TXLNB: variants seen among roughly 807,000 people sequenced by gnomAD.
TXLNB encodes the protein beta-taxilin.
Under a neutral mutation model 57.4 loss-of-function variants are expected in TXLNB, and 37 were observed. That is an observed-to-expected ratio of 0.64 (90% CI 0.50 to 0.85). The LOEUF is 0.85. TXLNB is among the 40% of genes least tolerant of loss of function. The pLI is 0.00. For synonymous variants in TXLNB, 302 were observed against 309.6 expected, an observed-to-expected ratio of 0.98 and a Z score of 0.26; for missense variants, 848 against 825.6, an observed-to-expected ratio of 1.03 and a Z score of -0.33.
the TXLNB span, among the ~76,000 whole-genome samples, chr6:139,305,398 C>T: frequency 6.6e-6 from 1 of 151,982 alleles, no homozygotes; most frequent in Admixed American, 6.6e-5. Flanking sequence ...TAGAAAGGCA[C>T]CAGAAAAATC....
chr6:139,283,433 G>A lies in TXLNB; in HGVS notation c.424+5043C>T, dbSNP rs937830561. ...CTCTACTAAAAATACAAAATTAGCC[G>A]GGAGTGGTGGCACATGCCTGTAATC... On this transcript the variant is annotated intron_variant, in intron 2 of 9. Transcript: ENST00000358430. Among the ~76,000 whole-genome samples, 6 of 144,624 alleles carry A rather than the reference G, an allele frequency of 4.1e-5. No individual in the cohort carries two copies. In the East Asian group the frequency reaches 6.0e-4, roughly 14 times the overall value. 94.9% of individuals were successfully genotyped at this position (144,624 alleles called of 152,430 possible).
At chr6:139,187,653 G>C in the TXLNB span, among the ~76,000 whole-genome samples, 2 of 152,188 alleles carry the variant, frequency 1.3e-5, no homozygotes, top group African/African-American at 4.8e-5. Flanking sequence ...ACAGAACTCT[G>C]CTGGGGGAAA....
At chr6:139,218,351 A>G in the TXLNB span, among the ~76,000 whole-genome samples, 2 of 152,220 alleles carry the variant, frequency 1.3e-5, no homozygotes, top group East Asian at 3.8e-4. Flanking sequence ...GAGTTTGTGA[A>G]TACTGCAAAA....
chr6:139,253,669 A>G (rs1776265702), intron 7 of TXLNB, among the ~76,000 whole-genome samples: 1 of 152,176 alleles, frequency 6.6e-6, no homozygotes, highest in Non-Finnish European at 1.5e-5. Flanking sequence ...TTGAGGGGGT[A>G]TAAGGGGGAA....
At chr6:139,205,852 C>CCAT in the TXLNB span, among the ~76,000 whole-genome samples, 1 of 152,030 alleles carries the variant, frequency 6.6e-6, no homozygotes. Flanking sequence ...CACCAGAAGA[C>CCAT]CATCACCAAG....
At chr6:139,224,735 C>A in the TXLNB span, among the ~76,000 whole-genome samples, 18 of 151,776 alleles carry the variant, frequency 1.2e-4, no homozygotes, top group African/African-American at 4.3e-4. Context: ...CAATTTAAAT[C>A]CTTTCCACAA....
chr6:139,176,846 C>T, the TXLNB span: 1 of 740,034 alleles, frequency 1.4e-6, no homozygotes, highest in African/African-American at 1.7e-5. The surrounding 1 kb of genome is among the most constrained non-coding windows in gnomAD (Gnocchi z 4.5). Context: ...CTTTGCAAAG[C>T]CCTTGATCAG....
the TXLNB span, among the ~76,000 whole-genome samples, chr6:139,309,195 T>C: frequency 6.6e-6 from 1 of 152,234 alleles, no homozygotes; most frequent in Admixed American, 6.5e-5. Flanking sequence ...GGAAGAGGTT[T>C]CAGCAGCAAA....
intron 6 of TXLNB, among the ~76,000 whole-genome samples, chr6:139,259,098 C>G (rs1022470393): frequency 2.6e-5 from 4 of 152,178 alleles, no homozygotes; most frequent in African/African-American, 9.7e-5. Flanking sequence ...TTTCATCCAT[C>G]TCCACCCCTC....
chr6:139,279,624 A>T (rs1215115760), intron 2 of TXLNB, among the ~76,000 whole-genome samples: 2 of 152,216 alleles, frequency 1.3e-5, no homozygotes, highest in African/African-American at 4.8e-5. Flanking sequence ...GGAGGGGAGT[A>T]GACAGAGACT....
At chr6:139,171,153 T>C in the TXLNB span, among the ~76,000 whole-genome samples, 1 of 152,046 alleles carries the variant, frequency 6.6e-6, no homozygotes, top group Non-Finnish European at 1.5e-5. Flanking sequence ...AATAAGCATT[T>C]GGGTTGAACA....
chr6:139,303,177 A>G, the TXLNB span, among the ~76,000 whole-genome samples: 1 of 152,224 alleles, frequency 6.6e-6, no homozygotes, highest in Non-Finnish European at 1.5e-5. Flanking sequence ...ATCAGATAAC[A>G]TATTTAAAAT....
chr6:139,264,713 C>A (rs1776570933), intron 4 of TXLNB, among the ~76,000 whole-genome samples: 1 of 152,058 alleles, frequency 6.6e-6, no homozygotes, highest in Non-Finnish European at 1.5e-5. Context: ...GCACGCATCA[C>A]CAAGCTCAGC....
chr6:139,170,948 T>A, the TXLNB span, among the ~76,000 whole-genome samples: 1 of 152,068 alleles, frequency 6.6e-6, no homozygotes, highest in African/African-American at 2.4e-5. Flanking sequence ...AAAGAAAAAT[T>A]ACAGCTTGTG....
the TXLNB span, among the ~76,000 whole-genome samples, chr6:139,188,790 T>C: frequency 6.7e-6 from 1 of 150,088 alleles, no homozygotes; most frequent in African/African-American, 2.5e-5. Context: ...AGTCTTGCTC[T>C]GTCGCCCAGG....
chr6:139,171,381 A>G, the TXLNB span, among the ~76,000 whole-genome samples: 1 of 152,200 alleles, frequency 6.6e-6, no homozygotes, highest in Non-Finnish European at 1.5e-5. Context: ...TAAATAGATA[A>G]TGCGCACATT....
At chr6:139,237,554 T>G (rs6900043), downstream of TXLNB, 1 of 151,490 alleles carries the variant, frequency 6.6e-6, no homozygotes, top group East Asian at 1.9e-4. Context: ...ATGTAATGTG[T>G]CTATTCTAGA....
intron 5 of TXLNB, among the ~76,000 whole-genome samples, chr6:139,261,239 T>G (rs181302832): frequency 1.5e-4 from 23 of 152,322 alleles, no homozygotes; most frequent in Admixed American, 1.5e-3. Flanking sequence ...ATCTGAGATC[T>G]CTCTGAAGAA....
chr6:139,210,497 T>C, the TXLNB span, among the ~76,000 whole-genome samples: 3 of 152,016 alleles, frequency 2.0e-5, no homozygotes, highest in Non-Finnish European at 4.4e-5. Context: ...AAAGAAAATG[T>C]GGGTGGAGCC....
Sources: gnomAD v4.1 joint callset for allele counts (sites outside exome capture counted in the v4.1 genomes callset) on GRCh38, gnomAD v4.1.1 for gene constraint, Gnocchi (gnomAD v3.1) non-coding constraint, MANE v1.5 for transcripts, NCBI Gene and HGNC (gene_info 2026-07-23, HGNC 2026-07-21) for gene names.